DHX34: variants seen among roughly 807,000 people sequenced by gnomAD.
DHX34 encodes the protein DExH-box helicase 34.
A neutral mutation model predicts 111.1 loss-of-function variants in DHX34; 96 were observed. The ratio of observed to expected loss-of-function variants is 0.86; its 90% CI spans 0.73 to 1.02. DHX34 has a LOEUF of 1.02. Among genes scored for constraint, DHX34 ranks in the 50% least tolerant of loss-of-function variants. The pLI is 0.00. For synonymous variants in DHX34, 688 were observed against 670.4 expected, an observed-to-expected ratio of 1.03 and a Z score of -0.41; for missense variants, 1,560 against 1,579.9, an observed-to-expected ratio of 0.99 and a Z score of 0.21.
intron 12 of DHX34, 21 bp from the exon 13 acceptor site, chr19:47,377,079 C>T (rs370062967): frequency 2.4e-4 from 388 of 1,613,258 alleles, no homozygotes; most frequent in Non-Finnish European, 3.1e-4. Flanking sequence ...TGGGCCTGAG[C>T]GGTCCTCCTC....
At position 47,373,679 on chromosome 19, in the gene DHX34, C is replaced by T. The variant is rs2122327394; in HGVS notation, c.2043C>T (p.Ala681=). 6.2e-7 allele frequency: 1 copy of T among 1,613,896 alleles called. No individual in the cohort carries two copies. Among genetic ancestry groups the T allele is most frequent in the Non-Finnish European group, 8.5e-7 (1 of 1,179,930 alleles). ...GIEEHRLYEM[A]NLRRQFKELL... ...AGGAGCATCGACTGTACGAAATGGC[C>T]AACCTTCGGCGCCAGTTCAAGGTGA... Residue 681 remains alanine, a synonymous_variant, in exon 9 of 17, where the codon GCC becomes GCT. Coordinates refer to ENST00000328771, the MANE Select transcript of DHX34 (RefSeq NM_014681.6).
At chr19:47,356,483 A>T (rs917718554) in intron 3 of DHX34, among the ~76,000 whole-genome samples, 3 of 152,020 alleles carry the variant, frequency 2.0e-5, no homozygotes, top group African/African-American at 7.2e-5. Context: ...TACAAAAATT[A>T]GCTGGGCATG....
Position 47,358,083 on chromosome 19 carries a change from C to A in DHX34, c.1235C>A (p.Pro412Gln), listed in dbSNP as rs1168449386. 6.2e-7 allele frequency: 1 copy of A among 1,612,382 alleles called. No homozygotes were observed. The highest frequency in any genetic ancestry group is 1.1e-5 in the South Asian group (1 of 91,046). ...ASHTQRWVVL[P>Q]LHSALSVADQ... ...CACACCCAGCGCTGGGTGGTACTGC[C>A]ACTGCACAGCGCCCTGTCTGTGGCC... Residue 412 changes from proline to glutamine, a missense_variant, in exon 4 of 17, where the codon CCA (proline) becomes CAA (glutamine). By Grantham distance (76) the Pro-to-Gln change is moderately conservative (BLOSUM62 -1). Transcript: ENST00000328771.
rs374572892 is a variant in DHX34 at position 47,375,559 on chromosome 19, G to A, written c.2158G>A (p.Ala720Thr). The A allele has an allele frequency of 4.5e-6, 7 of 1,549,200 alleles. No individual in the cohort carries two copies. Among genetic ancestry groups the A allele is most frequent in the Non-Finnish European group, 5.2e-6 (6 of 1,151,872 alleles). Reference sequence around the variant, plus strand: ...GTTGCAGCAGCGCCGGGAGCGCCGGGCCCTGCACCAGCTGAAACGCCAGCA... The same window carrying A: ...GTTGCAGCAGCGCCGGGAGCGCCGGACCCTGCACCAGCTGAAACGCCAGCA... The part of the protein sequence containing the change: ...SRLQQRRERR[A>T]LHQLKRQHEE... Residue 720 changes from alanine (A) to threonine (T), a missense_variant, in exon 10 of 17, where the codon GCC (alanine) becomes ACC (threonine). Ala to Thr is a moderately conservative substitution (Grantham distance 58, BLOSUM62 0). Transcript: ENST00000328771.
intron 5 of DHX34, among the ~76,000 whole-genome samples, chr19:47,360,922 AG>A (rs1969612286): frequency 6.6e-6 from 1 of 151,876 alleles, no homozygotes; most frequent in Non-Finnish European, 1.5e-5. Context: ...TGCCTGCCTC[AG>A]CCTCCCAAAG....
rs1384794615 is a variant in DHX34, at chr19:47,353,447, C to G, written c.417C>G (p.His139Gln). 1 of 1,614,084 alleles carries G rather than the reference C, an allele frequency of 6.2e-7. No homozygotes were observed. Among genetic ancestry groups the G allele is most frequent in the African/African-American group, 1.3e-5 (1 of 74,940 alleles). The change falls in exon 2 of 17, where the codon CAC becomes CAG. Residue 139 changes from histidine to glutamine, a missense_variant. His to Gln is a conservative substitution (Grantham distance 24). Transcript: ENST00000328771. This position sits in a 1 kb window ranked among gnomAD's most constrained non-coding sequence, Gnocchi z 4.6. ...CTGAGTTCCGCCGAGCCCTGTTGCA[C>G]TACCTGGACTTTGGCCAGAAGCAGG... ...RVAEFRRALL[H>Q]YLDFGQKQAF...
Position 47,357,925 on chromosome 19 carries a change from G to T in DHX34, c.1077G>T (p.Pro359=), listed in dbSNP as rs150672057. 112 of 1,613,900 alleles carry T rather than the reference G, an allele frequency of 6.9e-5. No homozygotes were observed. The highest frequency in any genetic ancestry group is 9.2e-5 in the Non-Finnish European group (109 of 1,180,040). Residue 359 remains proline, a synonymous_variant, in exon 4 of 17, where the codon CCG becomes CCT. Transcript: ENST00000328771. ...PTTSKSEKLD[P]RPFLRVLESI... is the part of the protein sequence containing the mutation. ...CGTCCAAGTCAGAGAAGCTGGACCC[G>T]CGGCCTTTCCTGAGGGTGCTGGAGT...
chr19:47,373,482 A>C, intron 8 of DHX34, 117 bp from the exon 9 acceptor site: 1 of 1,467,212 alleles, frequency 6.8e-7, no homozygotes. Context: ...GAGACCTGGA[A>C]GCAGGAGAGC....
At position 47,379,825 on chromosome 19, in the gene DHX34, C is replaced by T. The variant is rs139543869; in HGVS notation, c.2822C>T (p.Ala941Val). 53 of 1,613,676 alleles carry T rather than the reference C, an allele frequency of 3.3e-5. No individual in the cohort carries two copies. In the East Asian group the frequency reaches 3.8e-4, roughly 12 times the overall value. Residue 941 changes from alanine (A) to valine (V), a missense_variant, in exon 14 of 17, where the codon GCG becomes GTG. By Grantham distance (64) the Ala-to-Val change is moderately conservative. Transcript: ENST00000328771. ...ADSESAIRLL[A>V]ASLRLRARWE... is the part of the protein sequence containing the mutation. ...AGTGAAAGTGCCATCCGACTCCTGG[C>T]GGCTTCCCTGCGGCTCCGTGCCCGC...
intron 6 of DHX34, among the ~76,000 whole-genome samples, chr19:47,366,438 A>G (rs1969787603): frequency 6.6e-6 from 1 of 150,938 alleles, no homozygotes; most frequent in African/African-American, 2.4e-5. Flanking sequence ...TCGCCACCAC[A>G]CCTGGCTAAT....
In DHX34 at chr19:47,375,997, G is replaced by A. The variant is rs146804493; in HGVS notation, c.2381G>A (p.Arg794His). 12 of 1,605,254 alleles carry A rather than the reference G, an allele frequency of 7.5e-6. No homozygotes were observed. Among genetic ancestry groups the A allele is most frequent in the East Asian group, 4.5e-5 (2 of 44,734 alleles). The change falls in exon 11 of 17, where the codon CGC becomes CAC. Residue 794 changes from arginine (R) to histidine (H), a missense_variant. Transcript: ENST00000328771. The stretch of plus-strand genomic sequence containing the variant: ...GCCAGCTCAGCCCAGGACCTGAGCC[G>A]CGAGCAGCTGGCTCTGCTGAAGCTG... ...AAASSAQDLS[R>H]EQLALLKLVL... is the part of the protein sequence containing the mutation.
chr19:47,357,704 C>T, intron 3 of DHX34, 162 bp from the exon 4 acceptor site: 1 of 976,558 alleles, frequency 1.0e-6, no homozygotes, highest in East Asian at 1.1e-4. Context: ...GCCTGGATCC[C>T]TGAATGACCA....
At chr19:47,364,543 A>G (rs933309196) in intron 6 of DHX34, among the ~76,000 whole-genome samples, 1 of 151,874 alleles carries the variant, frequency 6.6e-6, no homozygotes, top group Non-Finnish European at 1.5e-5. Flanking sequence ...GGAAGTCGAG[A>G]CCAGCCTAGG....
chr19:47,382,247 C>T lies in DHX34; in HGVS notation c.*134C>T. 7.0e-7 allele frequency: 1 copy of T among 1,433,112 alleles called. No individual in the cohort carries two copies. The highest frequency in any genetic ancestry group is 9.2e-7 in the Non-Finnish European group (1 of 1,086,756). The allele number at this position is 1,433,112 out of a possible 1,614,324, so 88.8% of individuals were successfully genotyped here. On this transcript the variant is annotated 3_prime_UTR_variant, in exon 17 of 17. Coordinates refer to ENST00000328771, the MANE Select transcript of DHX34 (RefSeq NM_014681.6). Reference sequence around the variant, plus strand: ...CTGTCCCAGTGCAGAGGGCCTGGAGCACGGATTGTGAATAAAGCCTCACAT... The same window carrying T: ...CTGTCCCAGTGCAGAGGGCCTGGAGTACGGATTGTGAATAAAGCCTCACAT...
chr19:47,380,229 C>T (rs953831887), intron 14 of DHX34, among the ~76,000 whole-genome samples: 8 of 152,180 alleles, frequency 5.3e-5, no homozygotes, highest in African/African-American at 7.2e-5. Flanking sequence ...TACTAAGCAC[C>T]TTCTGCAAGC....
At chr19:47,360,408 G>A (rs1032014999) in intron 5 of DHX34, among the ~76,000 whole-genome samples, 13 of 152,136 alleles carry the variant, frequency 8.5e-5, no homozygotes, top group Non-Finnish European at 1.8e-4. Context: ...GCTGGAAGAC[G>A]ATGTGTGGGG....
At chr19:47,372,081 C>T (rs569399075) in intron 7 of DHX34, among the ~76,000 whole-genome samples, 4 of 151,162 alleles carry the variant, frequency 2.6e-5, no homozygotes, top group African/African-American at 4.8e-5. Context: ...CCCTGGGAGA[C>T]GGTTCCTGCC....
chr19:47,370,451 A>T (rs1176269432), intron 7 of DHX34, among the ~76,000 whole-genome samples: 1 of 151,810 alleles, frequency 6.6e-6, no homozygotes, highest in Non-Finnish European at 1.5e-5. Flanking sequence ...CCTCCCGGGG[A>T]GCTCACTGAC....
chr19:47,366,350 G>A (rs1969785313), intron 6 of DHX34, among the ~76,000 whole-genome samples: 1 of 151,366 alleles, frequency 6.6e-6, no homozygotes, highest in African/African-American at 2.4e-5. Flanking sequence ...GTGCAATCTC[G>A]GCTCACTGCA....
Sources: allele counts gnomAD v4.1 joint callset (sites outside exome capture counted in the v4.1 genomes callset), GRCh38; gene constraint gnomAD v4.1.1; non-coding constraint Gnocchi (gnomAD v3.1); transcripts MANE v1.5; gene names NCBI Gene and HGNC (gene_info 2026-07-23, HGNC 2026-07-21).